Variants in CNBD1 observed in about 807,000 individuals in gnomAD.
CNBD1 encodes the protein cyclic nucleotide-binding domain-containing protein 1.
Under a neutral mutation model 54.4 loss-of-function variants are expected in CNBD1, and 71 were observed. That is an observed-to-expected ratio of 1.30 (90% CI 1.08 to 1.59). CNBD1 has a LOEUF of 1.59. CNBD1 is among the 40% of genes most tolerant of loss of function. The probability of loss-of-function intolerance (pLI) is 0.00; values close to 1 mark genes in which losing one functional copy is unlikely to be tolerated. For synonymous variants in CNBD1, 182 were observed against 170.7 expected, an observed-to-expected ratio of 1.07 and a Z score of -0.51; for missense variants, 659 against 518.0, an observed-to-expected ratio of 1.27 and a Z score of -2.64.
chr8:87,318,260 G>A (rs79428614), intron 8 of CNBD1, among the ~76,000 whole-genome samples: 2,839 of 151,578 alleles, frequency 0.019, 90 homozygotes, highest in African/African-American at 0.065. Flanking sequence ...TTGTAATTTT[G>A]CATTGGATTC....
intron 10 of CNBD1, among the ~76,000 whole-genome samples, chr8:87,379,068 G>C (rs1408699732): frequency 6.6e-6 from 1 of 150,912 alleles, no homozygotes; most frequent in South Asian, 2.1e-4. Flanking sequence ...AGACAATGGG[G>C]TTTTCTAGAT....
At chr8:86,876,178 TG>T (rs1808517709) in intron 1 of CNBD1, among the ~76,000 whole-genome samples, 1 of 56,550 alleles carries the variant, frequency 1.8e-5, no homozygotes, top group African/African-American at 1.3e-4. Context: ...CCTGTGTGTG[TG>T]TGTTTGTGTG....
At chr8:86,875,502 C>T (rs2131772576) in intron 1 of CNBD1, among the ~76,000 whole-genome samples, 1 of 152,306 alleles carries the variant, frequency 6.6e-6, no homozygotes, top group East Asian at 1.9e-4. Context: ...TAATGGGTTT[C>T]TGGTCTATGT....
intron 4 of CNBD1, among the ~76,000 whole-genome samples, chr8:87,002,373 C>T (rs1809010686): frequency 1.3e-5 from 2 of 152,150 alleles, no homozygotes. Flanking sequence ...CAGATTATAT[C>T]TGTCTTCTGT....
intron 8 of CNBD1, among the ~76,000 whole-genome samples, chr8:87,301,540 G>A (rs1415300282): frequency 2.6e-5 from 4 of 152,028 alleles, no homozygotes; most frequent in Non-Finnish European, 5.9e-5. Flanking sequence ...GGATAGTTTA[G>A]CATATGCAAG....
At chr8:86,969,742 C>G (rs894684004) in intron 4 of CNBD1, among the ~76,000 whole-genome samples, 2 of 150,796 alleles carry the variant, frequency 1.3e-5, no homozygotes, top group Non-Finnish European at 3.0e-5. Context: ...ATACAGTCAT[C>G]TAAATTTTTT....
chr8:86,897,484 G>T (rs1347783296), intron 2 of CNBD1, among the ~76,000 whole-genome samples: 1 of 152,034 alleles, frequency 6.6e-6, no homozygotes, highest in Non-Finnish European at 1.5e-5. Flanking sequence ...ACCCAGATAG[G>T]CTAGAACTGC....
chr8:87,142,361 T>C (rs1812388158), intron 4 of CNBD1, among the ~76,000 whole-genome samples: 2 of 152,174 alleles, frequency 1.3e-5, no homozygotes, highest in South Asian at 2.1e-4. Flanking sequence ...TAAAATGAAC[T>C]GCAGGTTTTT....
At chr8:87,010,186 C>G (rs968315557) in intron 4 of CNBD1, among the ~76,000 whole-genome samples, 2 of 152,080 alleles carry the variant, frequency 1.3e-5, no homozygotes, top group African/African-American at 4.8e-5. Context: ...CAGACATAGG[C>G]TTCTCAAATA....
chr8:87,414,530 A>T (rs1246240869), intron 2 of CNBD1, among the ~76,000 whole-genome samples: 1 of 152,120 alleles, frequency 6.6e-6, no homozygotes, highest in Non-Finnish European at 1.5e-5. Context: ...AATAATAAAT[A>T]AAAAAAGAAA....
intron 4 of CNBD1, among the ~76,000 whole-genome samples, chr8:87,085,838 C>T (rs1228752302): frequency 6.6e-6 from 1 of 152,144 alleles, no homozygotes; most frequent in Non-Finnish European, 1.5e-5. Flanking sequence ...GGTCCCTGGG[C>T]TTCAGAGATG....
chr8:86,960,024 G>A (rs1025330467), intron 4 of CNBD1, among the ~76,000 whole-genome samples: 17 of 152,210 alleles, frequency 1.1e-4, no homozygotes, highest in Middle Eastern at 3.4e-3. Flanking sequence ...GTGACCTACC[G>A]ATGTGGCCAA....
At chr8:87,211,757 C>G (rs1457131890) in intron 5 of CNBD1, among the ~76,000 whole-genome samples, 2 of 152,188 alleles carry the variant, frequency 1.3e-5, no homozygotes, top group African/African-American at 4.8e-5. Flanking sequence ...CCTGCAGAGC[C>G]ATGAGCCAAT....
rs191911269 is a variant in CNBD1 at position 86,989,205 on chromosome 8, A to G, written c.431+49451A>G. Among the ~76,000 whole-genome samples, 107 of 152,196 alleles carry G rather than the reference A, an allele frequency of 7.0e-4. 1 individual carries two copies. Among genetic ancestry groups the G allele is most frequent in the Admixed American group, 6.7e-3 (102 of 15,280 alleles). On this transcript the variant is annotated intron_variant, in intron 4 of 10. Coordinates refer to ENST00000518476, the MANE Select transcript of CNBD1 (RefSeq NM_173538.3). ...GAGGATCATTTGAGCCTGGGAGATC[A>G]AAGCTGCAGTGATCTCAGATCAAGG...
chr8:87,353,539 A>G, intron 9 of CNBD1, 97 bp from the exon 10 acceptor site: 1 of 727,142 alleles, frequency 1.4e-6, no homozygotes, highest in Non-Finnish European at 2.2e-6. Context: ...AATATCATTT[A>G]GTAAAATGGT....
intron 4 of CNBD1, among the ~76,000 whole-genome samples, chr8:87,149,138 C>T (rs573580277): frequency 5.9e-5 from 9 of 151,982 alleles, no homozygotes; most frequent in Non-Finnish European, 1.0e-4. Flanking sequence ...TCTTTCTGTA[C>T]GTAGGTAGGA....
intron 4 of CNBD1, among the ~76,000 whole-genome samples, chr8:87,016,050 C>T (rs1015064020): frequency 4.7e-5 from 7 of 148,760 alleles, no homozygotes; most frequent in East Asian, 2.0e-4. Flanking sequence ...ATATGTATCA[C>T]GTGGAAGTAA....
chr8:87,155,051 GC>G lies in CNBD1; in HGVS notation c.432-50941del, dbSNP rs1812685377. On this transcript the variant is annotated intron_variant, in intron 4 of 10. Transcript: ENST00000518476. ...AGGTGGGAAGATTTGCTCTAGTTCA[GC>G]ACCACCTGGGTCTGGGAGGGCAATT... Among the ~76,000 whole-genome samples, 8 of 152,260 alleles carry G rather than the reference GC, an allele frequency of 5.3e-5. No homozygotes were observed. The South Asian group carries it at 1.7e-3, about 32-fold the overall frequency.
chr8:87,249,423 G>T (rs904050936), intron 6 of CNBD1, among the ~76,000 whole-genome samples: 1 of 152,074 alleles, frequency 6.6e-6, no homozygotes, highest in Non-Finnish European at 1.5e-5. Flanking sequence ...TGTGGCCCAG[G>T]AGTCAGGGAC....
Sources: gnomAD v4.1 joint callset for allele counts (sites outside exome capture counted in the v4.1 genomes callset) on GRCh38, gnomAD v4.1.1 for gene constraint, MANE v1.5 for transcripts, NCBI Gene and HGNC (gene_info 2026-07-23, HGNC 2026-07-21) for gene names.